Variants in CCPG1 observed in about 807,000 individuals in gnomAD.
CCPG1 encodes the protein cell cycle progression protein 1.
Under a neutral mutation model 81.3 loss-of-function variants are expected in CCPG1, and 46 were observed. That is an observed-to-expected ratio of 0.57 (90% CI 0.45 to 0.72). The LOEUF (loss-of-function observed/expected upper bound fraction) is 0.72, where lower values mean the gene tolerates loss of function less well. CCPG1 is among the 30% of genes least tolerant of loss of function. The pLI, the probability that CCPG1 is intolerant of heterozygous loss-of-function variation, is 0.00. For missense variants in CCPG1, 902 were observed against 937.6 expected, an observed-to-expected ratio of 0.96 and a Z score of 0.50; for synonymous variants, 330 against 305.2, an observed-to-expected ratio of 1.08 and a Z score of -0.85.
intron 5 of CCPG1, chr15:55,372,784 ACAG>A (rs760039402): frequency 6.1e-6 from 2 of 326,676 alleles, no homozygotes; most frequent in Non-Finnish European, 1.2e-5. Context: ...TTTAAGGAAC[ACAG>A]GAAAGTACAC....
At position 55,359,778 on chromosome 15, in the gene CCPG1, T is replaced by C; in HGVS notation, c.1995A>G (p.Leu665=). 6.2e-7 allele frequency: 1 copy of C among 1,613,340 alleles called. No homozygotes were observed. The highest frequency in any genetic ancestry group is 8.5e-7 in the Non-Finnish European group (1 of 1,179,886). ...EFRQIIQRYM[L]KELDTFCHWN... The stretch of plus-strand genomic sequence containing the variant: ...AGTGACAAAAAGTATCCAGTTCTTT[T>C]AACATGTACCTTTGAATTATCTGTC... The change falls in exon 8 of 9, where the codon TTA becomes TTG. Residue 665 remains leucine, a synonymous_variant. Coordinates refer to ENST00000442196, the MANE Select transcript of CCPG1 (RefSeq NM_001204450.2).
chr15:55,376,663 CA>C (rs1183522793), intron 5 of CCPG1, among the ~76,000 whole-genome samples: 1 of 151,924 alleles, frequency 6.6e-6, no homozygotes, highest in Non-Finnish European at 1.5e-5. Context: ...TAAAAAGCAC[CA>C]AAAGAATTTT....
chr15:55,379,000 G>GA (rs1011525475), intron 3 of CCPG1, among the ~76,000 whole-genome samples: 7 of 151,802 alleles, frequency 4.6e-5, no homozygotes, highest in African/African-American at 7.3e-5. Context: ...TACCTAATAT[G>GA]AAAAAATCTA....
In CCPG1 at chr15:55,377,087, T is replaced by C. The variant is rs1227903366; in HGVS notation, c.316A>G (p.Ile106Val). ...YIGTASDDSD[I>V]VTLEPPKLEE... is the part of the protein sequence containing the mutation. ...AACTTAGGTGGCTCAAGGGTAACAATATCAGAATCATCACTGGCAGTTCCA... is the reference window on the plus strand; with the variant it reads ...AACTTAGGTGGCTCAAGGGTAACAACATCAGAATCATCACTGGCAGTTCCA... The change falls in exon 5 of 9, where the codon ATT (isoleucine) becomes GTT (valine). Residue 106 changes from isoleucine to valine, a missense_variant. By Grantham distance (29) the Ile-to-Val change is conservative. Around this residue, in one of 3 missense-constraint regions of CCPG1, gnomAD observed 746 missense variants for 728.6 expected, o/e 1.02. Transcript: ENST00000442196. 1.9e-6 allele frequency: 3 copies of C among 1,613,788 alleles called. No individual in the cohort carries two copies. The highest frequency in any genetic ancestry group is 2.5e-6 in the Non-Finnish European group (3 of 1,179,748).
chr15:55,375,000 A>C (rs1235440660), intron 5 of CCPG1, among the ~76,000 whole-genome samples: 2 of 152,226 alleles, frequency 1.3e-5, no homozygotes, highest in East Asian at 3.8e-4. Context: ...GTTTATATGC[A>C]GTGTTTTCAG....
intron 8 of CCPG1, chr15:55,358,389 C>A: frequency 4.1e-6 from 4 of 985,398 alleles, no homozygotes; most frequent in Non-Finnish European, 4.8e-6. Flanking sequence ...ACAATATAAT[C>A]TTATCCCACC....
chr15:55,393,365 A>G (rs2056959837), intron 1 of CCPG1, among the ~76,000 whole-genome samples: 1 of 152,234 alleles, frequency 6.6e-6, no homozygotes, highest in African/African-American at 2.4e-5. Context: ...ATTTGAGCTC[A>G]GGAGTTCAAA....
chr15:55,393,408 C>G (rs1038092666), intron 1 of CCPG1, among the ~76,000 whole-genome samples: 1 of 152,164 alleles, frequency 6.6e-6, no homozygotes, highest in Non-Finnish European at 1.5e-5. Flanking sequence ...TGACTGCACT[C>G]CAGCCTGGGT....
intron 1 of CCPG1, among the ~76,000 whole-genome samples, chr15:55,396,025 G>A (rs1595863495): frequency 2.0e-5 from 3 of 152,128 alleles, no homozygotes; most frequent in South Asian, 4.1e-4. Flanking sequence ...ATGCTGGCGT[G>A]CGCCTGTAGT....
At chr15:55,357,395 T>C (rs2056103402) in intron 8 of CCPG1, 1 of 985,518 alleles carries the variant, frequency 1.0e-6, no homozygotes, top group Non-Finnish European at 1.2e-6. Flanking sequence ...CTGTATTATA[T>C]TGACCACCTT....
intron 6 of CCPG1, among the ~76,000 whole-genome samples, chr15:55,366,358 A>C (rs1164364127): frequency 6.6e-6 from 1 of 152,144 alleles, no homozygotes; most frequent in African/African-American, 2.4e-5. Flanking sequence ...AAGCCCAAAA[A>C]GTACAGCACA....
chr15:55,355,688 G>A lies in CCPG1; in HGVS notation c.*532C>T. ...TGTTTCTTCCACGATATTCAGATGT[G>A]CAAAAAATTTCACAAGAAAACAAGT... On this transcript the variant is annotated 3_prime_UTR_variant, in exon 9 of 9. Coordinates refer to ENST00000442196, the MANE Select transcript of CCPG1 (RefSeq NM_001204450.2). 3.5e-6 allele frequency: 1 copy of A among 289,116 alleles called. No individual in the cohort carries two copies. The highest frequency in any genetic ancestry group is 6.3e-6 in the Non-Finnish European group (1 of 158,460). 17.9% of individuals were successfully genotyped at this position (289,116 alleles called of 1,614,324 possible). A position where few individuals can be genotyped will look rare whatever the true frequency, so the allele number is the denominator to read the frequency against.
chr15:55,381,357 G>A (rs2414410), intron 3 of CCPG1, among the ~76,000 whole-genome samples: 10,961 of 151,386 alleles, frequency 0.072, 451 homozygotes, highest in East Asian at 0.15. Flanking sequence ...GACTTGAACC[G>A]GGGAGGCGGA....
Position 55,371,855 on chromosome 15 carries a change from A to G in CCPG1, c.644T>C (p.Leu215Pro). ...ELSKRQFSSG[L>P]NKCVILALVI... The stretch of plus-strand genomic sequence containing the variant: ...CAAAGCAAGTATAACACACTTATTG[A>G]GACCACTACTGAACTGACGTTTACT... Residue 215 changes from leucine (L) to proline (P), a missense_variant, in exon 6 of 9, where the codon CTC (leucine) becomes CCC (proline). By Grantham distance (98) the Leu-to-Pro change is moderately conservative. Coordinates refer to ENST00000442196, the MANE Select transcript of CCPG1 (RefSeq NM_001204450.2). 6.2e-7 allele frequency: 1 copy of G among 1,614,132 alleles called. No individual in the cohort carries two copies. Among genetic ancestry groups the G allele is most frequent in the Non-Finnish European group, 8.5e-7 (1 of 1,179,978 alleles).
intron 8 of CCPG1, chr15:55,357,069 CCCAGGAG>C: frequency 1.0e-6 from 1 of 985,420 alleles, no homozygotes; most frequent in Non-Finnish European, 1.2e-6. Context: ...TTGGTGTTCT[CCCAGGAG>C]TCTGATAAAT....
In CCPG1 at chr15:55,376,934, TCAGTGTATTCTTAC is replaced by T; in HGVS notation, c.454+1_454+14del. 6.3e-7 allele frequency: 1 copy of T among 1,587,220 alleles called. No individual in the cohort carries two copies. Among genetic ancestry groups the T allele is most frequent in the Non-Finnish European group, 8.6e-7 (1 of 1,158,470 alleles). On this transcript the variant is annotated splice_donor_variant and splice_donor_5th_base_variant and intron_variant, in intron 5 of 8. Transcript: ENST00000442196. LOFTEE classifies it high-confidence loss of function. ...GTCGTACATGTCTTTAAGTCTCTTA[TCAGTGTATTCTTAC>T]CAGTTTCTGGCTGACAGAAAGTATA...
At position 55,359,557 on chromosome 15, in the gene CCPG1, G is replaced by A; in HGVS notation, c.2216C>T (p.Ser739Phe). ...IYRHFFGHTFSPPYGPSRPDK... is the reference protein window; with the variant it reads ...IYRHFFGHTFFPPYGPSRPDK... ...AACCGACCTGGGTCCATATGGAGGG[G>A]AAAAAGTGTGACCAAAGAAGTGTCT... Residue 739 changes from serine to phenylalanine, a missense_variant, in exon 8 of 9, where the codon TCC becomes TTC. Around this residue, in one of 3 missense-constraint regions of CCPG1, gnomAD observed 128 missense variants for 161.2 expected, o/e 0.79. Transcript: ENST00000442196. 1 of 1,609,262 alleles carries A rather than the reference G, an allele frequency of 6.2e-7. No individual in the cohort carries two copies. Among genetic ancestry groups the A allele is most frequent in the Non-Finnish European group, 8.5e-7 (1 of 1,178,428 alleles).
At position 55,360,192 on chromosome 15, in the gene CCPG1, A is replaced by G. The variant is rs2056162685; in HGVS notation, c.1581T>C (p.Asp527=). ...AGTGTCTGAAAGTGGATTTAACTGA[A>G]TCTGAGAATTTTTTCAGATTTTCCT... ...AVKENLKKFS[D]SVKSTFRHFK... is the part of the protein sequence containing the mutation. The change falls in exon 8 of 9, where the codon GAT becomes GAC. Residue 527 remains aspartate, a synonymous_variant. Coordinates refer to ENST00000442196, the MANE Select transcript of CCPG1 (RefSeq NM_001204450.2). The G allele has an allele frequency of 6.2e-7, 1 of 1,613,312 alleles. No individual in the cohort carries two copies. Among genetic ancestry groups the G allele is most frequent in the Non-Finnish European group, 8.5e-7 (1 of 1,179,818 alleles).
intron 1 of CCPG1, among the ~76,000 whole-genome samples, chr15:55,395,184 G>A (rs1164940175): frequency 5.3e-5 from 8 of 151,908 alleles, no homozygotes; most frequent in African/African-American, 1.2e-4. Flanking sequence ...AAGATTTCCC[G>A]CTGGCCCTAA....
Sources: allele counts gnomAD v4.1 joint callset (sites outside exome capture counted in the v4.1 genomes callset), GRCh38; gene constraint gnomAD v4.1.1; regional missense constraint gnomAD v4.1.1; transcripts MANE v1.5; gene names NCBI Gene and HGNC (gene_info 2026-07-23, HGNC 2026-07-21).